The following ASIC2 variants were observed in gnomAD, a reference collection of about 807,000 sequenced individuals.
ASIC2 encodes acid-sensing ion channel 2.
A neutral mutation model predicts 57.3 loss-of-function variants in ASIC2; 25 were observed. The observed-to-expected ratio is 0.44, with a 90% confidence interval of 0.32 to 0.61. The LOEUF is 0.61. Ranked by LOEUF, ASIC2 falls within the 20% of genes least tolerant of loss-of-function variation. The pLI is 0.06. For missense variants in ASIC2, 641 were observed against 738.1 expected, an observed-to-expected ratio of 0.87 and a Z score of 1.52; for synonymous variants, 319 against 307.5, an observed-to-expected ratio of 1.04 and a Z score of -0.39.
intron 1 of ASIC2, among the ~76,000 whole-genome samples, chr17:33,238,301 C>T (rs552115937): frequency 4.9e-4 from 75 of 152,282 alleles, no homozygotes; most frequent in African/African-American, 1.8e-3. Context: ...TTCACTCACC[C>T]GGAGAGACGA....
intron 1 of ASIC2, among the ~76,000 whole-genome samples, chr17:34,091,478 C>T (rs1416635093): frequency 6.6e-6 from 1 of 152,212 alleles, no homozygotes; most frequent in East Asian, 1.9e-4. Context: ...TTAGGGGTTA[C>T]CCGGCATCTC....
Position 34,037,572 on chromosome 17 carries a change from A to G in ASIC2, c.555+118406T>C, listed in dbSNP as rs1907937654. The stretch of plus-strand genomic sequence containing the variant: ...TGTTCCAAACCCGCTGCTGAACGCC[A>G]TTTGTCCACTTTGTGTGTGTTGAAC... On this transcript the variant is annotated intron_variant, in intron 1 of 9. Transcript: ENST00000359872. 5 of 1,447,248 alleles carry G rather than the reference A, an allele frequency of 3.5e-6. No individual in the cohort carries two copies. In the African/African-American group the frequency reaches 5.9e-5, roughly 17 times the overall value. 89.7% of individuals were successfully genotyped at this position (1,447,248 alleles called of 1,614,324 possible).
chr17:33,128,612 G>T (rs2142004237), intron 1 of ASIC2, among the ~76,000 whole-genome samples: 1 of 152,296 alleles, frequency 6.6e-6, no homozygotes, highest in East Asian at 1.9e-4. Context: ...GAGTGGGGGT[G>T]GCCCTTCAGA....
chr17:33,469,161 G>C (rs978016717), intron 1 of ASIC2, among the ~76,000 whole-genome samples: 48 of 152,238 alleles, frequency 3.2e-4, no homozygotes, highest in African/African-American at 1.1e-3. Flanking sequence ...GGCAAAGACA[G>C]GTACTATGGA....
In ASIC2 at chr17:33,678,435, CCACACACACA is replaced by C. The variant is rs71144896; in HGVS notation, c.555+477533_555+477542del. Among the ~76,000 whole-genome samples the C allele has an allele frequency of 1.2e-3, 163 of 139,602 alleles. 2 individuals are homozygous for C. Among genetic ancestry groups the C allele is most frequent in the African/African-American group, 3.9e-3 (149 of 38,090 alleles). 91.6% of individuals were successfully genotyped at this position (139,602 alleles called of 152,430 possible). A position where few individuals can be genotyped will look rare whatever the true frequency, so the allele number is the denominator to read the frequency against. ...TCTGAACTATGGTGCCTGGTTCAAT[CCACACACACA>C]CACACACACACACACACACACACAC... On this transcript the variant is annotated intron_variant, in intron 1 of 9. Transcript: ENST00000359872.
At chr17:33,381,505 T>C (rs991081504) in intron 1 of ASIC2, among the ~76,000 whole-genome samples, 9 of 152,170 alleles carry the variant, frequency 5.9e-5, no homozygotes, top group Non-Finnish European at 5.9e-5. Flanking sequence ...TCCAGGAGGA[T>C]AGGGAAAATG....
intron 1 of ASIC2, among the ~76,000 whole-genome samples, chr17:33,507,081 G>A (rs1246791245): frequency 6.6e-6 from 1 of 152,168 alleles, no homozygotes; most frequent in East Asian, 1.9e-4. Flanking sequence ...AAGCTGCTCG[G>A]CACATCCTCT....
intron 8 of ASIC2, among the ~76,000 whole-genome samples, chr17:33,016,525 G>T (rs2091806621): frequency 6.6e-6 from 1 of 152,132 alleles, no homozygotes. Context: ...CTGTTACCTG[G>T]TGTGATTCAA....
chr17:33,496,905 A>G (rs1312960163), intron 1 of ASIC2, among the ~76,000 whole-genome samples: 1 of 152,174 alleles, frequency 6.6e-6, no homozygotes, highest in Non-Finnish European at 1.5e-5. Context: ...GGTGTGAGCC[A>G]CCATGCCTGG....
chr17:33,450,123 G>A (rs1194992649), intron 1 of ASIC2, among the ~76,000 whole-genome samples: 1 of 152,140 alleles, frequency 6.6e-6, no homozygotes, highest in Non-Finnish European at 1.5e-5. Flanking sequence ...CTTAAAAATG[G>A]TAGAAACATC....
At chr17:33,742,926 C>A (rs1199433025) in intron 1 of ASIC2, among the ~76,000 whole-genome samples, 1 of 152,216 alleles carries the variant, frequency 6.6e-6, no homozygotes, top group Non-Finnish European at 1.5e-5. Context: ...GATTCCCCAG[C>A]AGCCTTCTGA....
intron 1 of ASIC2, among the ~76,000 whole-genome samples, chr17:33,166,324 T>C (rs1905304841): frequency 6.6e-6 from 1 of 152,208 alleles, no homozygotes; most frequent in African/African-American, 2.4e-5. Context: ...TTACTTCCTT[T>C]GCTGTCTTCT....
intron 1 of ASIC2, among the ~76,000 whole-genome samples, chr17:33,817,420 T>A (rs1912616462): frequency 6.6e-6 from 1 of 152,174 alleles, no homozygotes; most frequent in Non-Finnish European, 1.5e-5. Context: ...ATGGCCTGAG[T>A]TCTGTGTCTC....
At chr17:33,392,596 C>T (rs1909941042) in intron 1 of ASIC2, among the ~76,000 whole-genome samples, 1 of 151,962 alleles carries the variant, frequency 6.6e-6, no homozygotes, top group African/African-American at 2.4e-5. Flanking sequence ...GCATCTCCTC[C>T]CCTGACCTCC....
intron 1 of ASIC2, chr17:33,572,490 C>T (rs1384935108): frequency 6.6e-6 from 1 of 152,334 alleles, no homozygotes; most frequent in Non-Finnish European, 1.5e-5. Context: ...CCCCAACACC[C>T]ATAGGCTTCC....
chr17:33,483,168 G>A (rs535788807), intron 1 of ASIC2, among the ~76,000 whole-genome samples: 17 of 152,308 alleles, frequency 1.1e-4, no homozygotes, highest in Admixed American at 2.6e-4. Flanking sequence ...CTTCCAGCCC[G>A]TTACTTCCTT....
intron 1 of ASIC2, among the ~76,000 whole-genome samples, chr17:33,740,698 G>T (rs1910083509): frequency 6.6e-6 from 1 of 152,158 alleles, no homozygotes; most frequent in African/African-American, 2.4e-5. Flanking sequence ...TTCAGGGCTG[G>T]ATGAGGATGA....
At chr17:33,054,298 C>T (rs16967982) in intron 3 of ASIC2, among the ~76,000 whole-genome samples, 7,383 of 152,218 alleles carry the variant, frequency 0.049, 648 homozygotes, top group African/African-American at 0.17. Context: ...TGGCCCAAAT[C>T]TGGGGCTCAA....
At chr17:33,263,126 G>A (rs908062389) in intron 1 of ASIC2, among the ~76,000 whole-genome samples, 3 of 152,176 alleles carry the variant, frequency 2.0e-5, no homozygotes, top group African/African-American at 7.2e-5. Flanking sequence ...GGCATTTTCC[G>A]GCCCTAGCTG....
Sources: gnomAD v4.1 joint callset for allele counts (sites outside exome capture counted in the v4.1 genomes callset) on GRCh38, gnomAD v4.1.1 for gene constraint, MANE v1.5 for transcripts, NCBI Gene and HGNC (gene_info 2026-07-23, HGNC 2026-07-21) for gene names.